The following SAMMSON variants were observed in gnomAD, a reference collection of about 807,000 sequenced individuals.
SAMMSON encodes long intergenic non-protein coding RNA 1212.
chr3:70,366,492 G>GT, intron 9 of SAMMSON, among the ~76,000 whole-genome samples: 5,079 of 100,692 alleles, frequency 0.05, 305 homozygotes, highest in African/African-American at 0.13. Flanking sequence ...GTGTTTTTAT[G>GT]TTTTTTTTTT....
chr3:70,408,900 A>T lies in SAMMSON; in HGVS notation n.233+50576A>T, dbSNP rs140074076. Among the ~76,000 whole-genome samples, 800 of 152,290 alleles carry T rather than the reference A, an allele frequency of 5.3e-3. 6 individuals carry two copies. The highest frequency in any genetic ancestry group is 0.018 in the African/African-American group (760 of 41,554). ...GAAAAGGTGGTTTAATTGGGCTTAC[A>T]ATTCCACCTGGCTGGGGAAGCCTCA... On this transcript the variant is annotated intron_variant and non_coding_transcript_variant, in intron 2 of 3. Transcript: ENST00000641053.
chr3:70,417,374 T>A (rs1575645109), intron 2 of SAMMSON, among the ~76,000 whole-genome samples: 1 of 152,186 alleles, frequency 6.6e-6, no homozygotes, highest in Non-Finnish European at 1.5e-5. Context: ...AAATTATCTT[T>A]CCCTAGGACA....
chr3:70,295,910 A>T (rs922226873), intron 7 of SAMMSON, among the ~76,000 whole-genome samples: 2 of 152,150 alleles, frequency 1.3e-5, no homozygotes, highest in African/African-American at 4.8e-5. Context: ...ATACTTGCTC[A>T]TTATATTCCT....
chr3:70,359,258 G>A (rs1391398517), intron 9 of SAMMSON, among the ~76,000 whole-genome samples: 1 of 152,072 alleles, frequency 6.6e-6, no homozygotes, highest in Non-Finnish European at 1.5e-5. Context: ...TTTTCAAGAC[G>A]TAGTATGTGA....
At chr3:70,006,228 G>T (rs1478770888) in intron 1 of SAMMSON, among the ~76,000 whole-genome samples, 1 of 152,162 alleles carries the variant, frequency 6.6e-6, no homozygotes, top group Non-Finnish European at 1.5e-5. Context: ...TGTCTTATCA[G>T]TTTGCGTAAT....
chr3:70,211,731 CT>C (rs1217720169), intron 4 of SAMMSON, among the ~76,000 whole-genome samples: 1 of 140,892 alleles, frequency 7.1e-6, no homozygotes, highest in African/African-American at 2.7e-5. Flanking sequence ...TTTCCTTTCT[CT>C]TTTTCCTTTT....
At chr3:70,088,915 G>A (rs1218869796) in intron 4 of SAMMSON, among the ~76,000 whole-genome samples, 3 of 152,104 alleles carry the variant, frequency 2.0e-5, no homozygotes, top group Non-Finnish European at 4.4e-5. Context: ...TGTGAGATGG[G>A]TACTGGGCAA....
At chr3:70,275,518 A>AAAAAC (rs1260814787) in intron 6 of SAMMSON, among the ~76,000 whole-genome samples, 3 of 152,230 alleles carry the variant, frequency 2.0e-5, no homozygotes, top group East Asian at 3.9e-4. Flanking sequence ...CCCTGTCTCA[A>AAAAAC]AAAATAAAAC....
chr3:70,005,497 G>C (rs986252696), intron 1 of SAMMSON, among the ~76,000 whole-genome samples: 1 of 152,052 alleles, frequency 6.6e-6, no homozygotes, highest in Non-Finnish European at 1.5e-5. Context: ...TTTTTAGAGC[G>C]TGGCATCTGG....
intron 4 of SAMMSON, among the ~76,000 whole-genome samples, chr3:70,145,497 A>G (rs527551883): frequency 6.6e-6 from 1 of 152,272 alleles, no homozygotes. Flanking sequence ...AATCATTAAA[A>G]ATGCTCTCTG....
chr3:70,290,661 C>G (rs1002594111), intron 6 of SAMMSON, among the ~76,000 whole-genome samples: 1 of 152,184 alleles, frequency 6.6e-6, no homozygotes, highest in African/African-American at 2.4e-5. Flanking sequence ...CCCCTAGCCT[C>G]GCTGCCGCCT....
At chr3:70,239,488 A>T (rs918961711) in intron 4 of SAMMSON, among the ~76,000 whole-genome samples, 2 of 151,668 alleles carry the variant, frequency 1.3e-5, no homozygotes, top group African/African-American at 2.4e-5. Flanking sequence ...TGGTTTGATC[A>T]TTATTGTTTT....
intron 4 of SAMMSON, among the ~76,000 whole-genome samples, chr3:70,225,254 A>G (rs950536085): frequency 1.3e-5 from 2 of 152,202 alleles, no homozygotes; most frequent in African/African-American, 2.4e-5. Context: ...GTTTTTCAAT[A>G]AACTTTTCCC....
At chr3:70,391,725 G>C (rs577146480), downstream of SAMMSON, among the ~76,000 whole-genome samples, 4 of 151,996 alleles carry the variant, frequency 2.6e-5, no homozygotes, top group East Asian at 7.7e-4. Context: ...TCAATCTCCT[G>C]GTGTTAAACA....
chr3:70,130,473 A>G (rs1448265313), intron 4 of SAMMSON, among the ~76,000 whole-genome samples: 1 of 152,210 alleles, frequency 6.6e-6, no homozygotes, highest in Admixed American at 6.5e-5. Flanking sequence ...TGCTATTCTT[A>G]CAACGTGATA....
chr3:70,376,326 T>C (rs1248844511), intron 9 of SAMMSON, among the ~76,000 whole-genome samples: 1 of 152,210 alleles, frequency 6.6e-6, no homozygotes, highest in Non-Finnish European at 1.5e-5. Flanking sequence ...TTTCAAAATT[T>C]CCACTTGAGA....
chr3:70,045,105 T>A (rs1248058434), intron 3 of SAMMSON, among the ~76,000 whole-genome samples: 3 of 86,780 alleles, frequency 3.5e-5, no homozygotes, highest in African/African-American at 9.7e-5. Flanking sequence ...TAATATATAT[T>A]ATAATTTATA....
At chr3:70,096,694 A>C (rs1168437471) in intron 4 of SAMMSON, among the ~76,000 whole-genome samples, 1 of 152,198 alleles carries the variant, frequency 6.6e-6, no homozygotes. Context: ...CCAAGAGATG[A>C]GGGCCACTGG....
At chr3:70,055,033 G>A (rs2067162043) in intron 3 of SAMMSON, among the ~76,000 whole-genome samples, 1 of 152,046 alleles carries the variant, frequency 6.6e-6, no homozygotes, top group Non-Finnish European at 1.5e-5. Context: ...ATTTTGGTGT[G>A]ATCTTGATCT....
Sources: gnomAD v4.1 joint callset for allele counts (sites outside exome capture counted in the v4.1 genomes callset) on GRCh38, gnomAD v4.1.1 for gene constraint, MANE v1.5 for transcripts, NCBI Gene and HGNC (gene_info 2026-07-23, HGNC 2026-07-21) for gene names.